The following SLC17A2 variants were observed in gnomAD, a reference collection of about 807,000 sequenced individuals.
The protein encoded by SLC17A2 is sodium-dependent phosphate transport protein 3.
SLC17A2 carries 38 observed loss-of-function variants against 52.1 expected under a neutral mutation model. The ratio of observed to expected loss-of-function variants is 0.73; its 90% confidence interval spans 0.56 to 0.96. SLC17A2 has a LOEUF of 0.96. Among genes scored for constraint, SLC17A2 ranks in the 40% least tolerant of loss-of-function variants. SLC17A2 has a pLI of 0.00. For missense variants in SLC17A2, 508 were observed against 583.9 expected (o/e 0.87, Z 1.34); for synonymous variants, 226 against 211.9 (o/e 1.07, Z -0.58).
chr6:25,918,564 A>C lies in SLC17A2; in HGVS notation c.572T>G (p.Phe191Cys), dbSNP rs199592342. The C allele has an allele frequency of 2.9e-5, 46 of 1,611,794 alleles. No individual in the cohort carries two copies. Among genetic ancestry groups the C allele is most frequent in the African/African-American group, 6.7e-5 (5 of 74,840 alleles). Residue 191 changes from phenylalanine to cysteine, a missense_variant, in exon 6 of 12, where the codon TTT becomes TGT. By Grantham distance (205) the Phe-to-Cys change is radical. Coordinates refer to ENST00000377850, the MANE Select transcript of SLC17A2 (RefSeq NM_001286123.3). ...LTTIAGSGSA[F>C]GSFIILCVGG... ...CACACAGAGGATGATGAAGGATCCA[A>C]ATGCTGACCCTAAAGGAAAAAGGGA... is the stretch of plus-strand genomic sequence containing the variant.
At chr6:25,923,624 G>A in intron 3 of SLC17A2, 71 bp downstream of exon 3, 1 of 1,170,378 alleles carries the variant, frequency 8.5e-7, no homozygotes, top group Non-Finnish European at 1.3e-6. Flanking sequence ...ATACTCCACA[G>A]AATCAAGATC....
At chr6:25,922,027 AAAAT>A (rs1313101794) in intron 3 of SLC17A2, among the ~76,000 whole-genome samples, 19 of 151,318 alleles carry the variant, frequency 1.3e-4, no homozygotes, top group African/African-American at 3.1e-4. Context: ...AATAGATTTT[AAAAT>A]AAATAAATAA....
chr6:25,918,916 G>A (rs746160335), intron 5 of SLC17A2, among the ~76,000 whole-genome samples: 1 of 152,120 alleles, frequency 6.6e-6, no homozygotes, highest in Non-Finnish European at 1.5e-5. Flanking sequence ...TATGAGGCTA[G>A]GGGCAGGAAA....
At chr6:25,913,832 G>T (rs1446416850) in intron 11 of SLC17A2, among the ~76,000 whole-genome samples, 1 of 149,884 alleles carries the variant, frequency 6.7e-6, no homozygotes, top group African/African-American at 2.4e-5. Context: ...TGTATTGGCT[G>T]TTGACAACTA....
rs1366909296 is a variant in SLC17A2 at position 25,918,575 on chromosome 6, T to G, written c.563-2A>C. 6.2e-7 allele frequency: 1 copy of G among 1,607,566 alleles called. No homozygotes were observed. On this transcript the variant is annotated splice_acceptor_variant, in intron 5 of 11. Coordinates refer to ENST00000377850, the MANE Select transcript of SLC17A2 (RefSeq NM_001286123.3). LOFTEE classifies it high-confidence loss of function. ...TGATGAAGGATCCAAATGCTGACCC[T>G]AAAGGAAAAAGGGAGAAAAACACTT...
At chr6:25,930,030 C>T (rs1766898336) in intron 1 of SLC17A2, among the ~76,000 whole-genome samples, 1 of 152,190 alleles carries the variant, frequency 6.6e-6, no homozygotes, top group Non-Finnish European at 1.5e-5. Flanking sequence ...GTTGGCCAGG[C>T]TGGTCTCAAA....
At chr6:25,921,505 T>A (rs1377832787) in intron 3 of SLC17A2, 93 bp from the exon 4 acceptor site, 24 of 771,462 alleles carry the variant, frequency 3.1e-5, no homozygotes, top group Middle Eastern at 3.7e-4. Flanking sequence ...GAGACCCTAG[T>A]ATAAAATATT....
rs1766419376 is a variant in SLC17A2, at chr6:25,918,587, G to A, written c.563-14C>T. On this transcript the variant is annotated splice_polypyrimidine_tract_variant and intron_variant, in intron 5 of 11. Transcript: ENST00000377850. ...CAAATGCTGACCCTAAAGGAAAAAG[G>A]GAGAAAAACACTTATGAAAATATCA... 6.4e-7 allele frequency: 1 copy of A among 1,568,936 alleles called. No homozygotes were observed. The highest frequency in any genetic ancestry group is 8.8e-7 in the Non-Finnish European group (1 of 1,139,250).
intron 1 of SLC17A2, among the ~76,000 whole-genome samples, chr6:25,928,225 C>T (rs1411611625): frequency 6.6e-6 from 1 of 152,030 alleles, no homozygotes; most frequent in African/African-American, 2.4e-5. Flanking sequence ...CTACCTATTA[C>T]AACTTCCCCT....
chr6:25,914,600 T>C lies in SLC17A2; in HGVS notation c.1282A>G (p.Thr428Ala). ...CCAACCTGACTGATGAGGAATCCAGTGGCAGTGGAAGAGATGATTCCTGCG... is the reference window on the plus strand; with the variant it reads ...CCAACCTGACTGATGAGGAATCCAGCGGCAGTGGAAGAGATGATTCCTGCG... ...LIAGIISSTA[T>A]GFLISQDFES... is the part of the protein sequence containing the mutation. The change falls in exon 11 of 12, where the codon ACT becomes GCT. Residue 428 changes from threonine (T) to alanine (A), a missense_variant. Thr to Ala is a moderately conservative substitution (Grantham distance 58). Coordinates refer to ENST00000377850, the MANE Select transcript of SLC17A2 (RefSeq NM_001286123.3). 1 of 1,612,196 alleles carries C rather than the reference T, an allele frequency of 6.2e-7. No individual in the cohort carries two copies. The highest frequency in any genetic ancestry group is 8.5e-7 in the Non-Finnish European group (1 of 1,178,206).
intron 1 of SLC17A2, among the ~76,000 whole-genome samples, chr6:25,926,784 C>T (rs558285403): frequency 6.3e-4 from 96 of 152,168 alleles, no homozygotes; most frequent in African/African-American, 2.2e-3. Context: ...ACACATGTAT[C>T]GGCCGGGTGC....
chr6:25,928,382 T>G (rs1054125803), intron 1 of SLC17A2, among the ~76,000 whole-genome samples: 9 of 152,128 alleles, frequency 5.9e-5, no homozygotes, highest in African/African-American at 2.2e-4. Context: ...TACTTTTAGG[T>G]TGAGCTTTGA....
intron 2 of SLC17A2, among the ~76,000 whole-genome samples, chr6:25,925,110 G>T (rs1381108368): frequency 6.6e-6 from 1 of 152,186 alleles, no homozygotes; most frequent in Non-Finnish European, 1.5e-5. Flanking sequence ...AAGAGTGGTG[G>T]TCTGGGAAAT....
chr6:25,913,285 A>G lies in SLC17A2; in HGVS notation c.*32T>C. 1 of 1,612,960 alleles carries G rather than the reference A, an allele frequency of 6.2e-7. No individual in the cohort carries two copies. The highest frequency in any genetic ancestry group is 8.5e-7 in the Non-Finnish European group (1 of 1,178,932). On this transcript the variant is annotated 3_prime_UTR_variant, in exon 12 of 12. Coordinates refer to ENST00000377850, the MANE Select transcript of SLC17A2 (RefSeq NM_001286123.3). ...AAAAATGTTTAAAAAGTTCATGCTC[A>G]GTACCACATTTAAGTTTGTAACTTT...
At chr6:25,919,170 A>C (rs139519808) in intron 5 of SLC17A2, among the ~76,000 whole-genome samples, 1 of 152,180 alleles carries the variant, frequency 6.6e-6, no homozygotes, top group Non-Finnish European at 1.5e-5. Context: ...AACCACACAC[A>C]TATGCCTCAA....
chr6:25,914,812 G>A (rs1766240100), intron 10 of SLC17A2, 142 bp from the exon 11 acceptor site: 2 of 603,934 alleles, frequency 3.3e-6, no homozygotes, highest in Non-Finnish European at 5.9e-6. Flanking sequence ...AGACATTCAG[G>A]GCAATGTCTA....
Position 25,913,166 on chromosome 6 carries a change from G to A in SLC17A2, c.*151C>T. On this transcript the variant is annotated 3_prime_UTR_variant, in exon 12 of 12. Coordinates refer to ENST00000377850, the MANE Select transcript of SLC17A2 (RefSeq NM_001286123.3). Reference sequence around the variant, plus strand: ...TCAGAATCTCTGGAGTGGGTCCCAAGTATCAGTGTCTTATAAAGGCTCCCC... The same window carrying A: ...TCAGAATCTCTGGAGTGGGTCCCAAATATCAGTGTCTTATAAAGGCTCCCC... 1.3e-6 allele frequency: 1 copy of A among 757,630 alleles called. No individual in the cohort carries two copies. Among genetic ancestry groups the A allele is most frequent in the Admixed American group, 2.4e-5 (1 of 41,990 alleles). The allele number at this position is 757,630 out of a possible 1,614,324, so 46.9% of individuals were successfully genotyped here. A position where few individuals can be genotyped will look rare whatever the true frequency, so the allele number is the denominator to read the frequency against.
At chr6:25,920,102 GAA>G (rs1037300476) in intron 5 of SLC17A2, among the ~76,000 whole-genome samples, 1 of 152,192 alleles carries the variant, frequency 6.6e-6, no homozygotes, top group Non-Finnish European at 1.5e-5. Context: ...AACCAGTCTA[GAA>G]GAGAGAGATC....
intron 1 of SLC17A2, among the ~76,000 whole-genome samples, chr6:25,926,218 T>A (rs914569797): frequency 6.6e-6 from 1 of 150,560 alleles, no homozygotes; most frequent in Non-Finnish European, 1.5e-5. Context: ...AGGTGAAGAG[T>A]GGTATTGCTT....
Sources: gnomAD v4.1 joint callset for allele counts (sites outside exome capture counted in the v4.1 genomes callset) on GRCh38, gnomAD v4.1.1 for gene constraint, MANE v1.5 for transcripts, NCBI Gene and HGNC (gene_info 2026-07-23, HGNC 2026-07-21) for gene names.